Variants in COL21A1 observed in about 807,000 individuals in gnomAD.
COL21A1 encodes the protein collagen type XXI alpha 1 chain.
In COL21A1, 149 loss-of-function variants were observed where a neutral mutation model predicts 137.9. The ratio of observed to expected loss-of-function variants is 1.08; its 90% CI spans 0.95 to 1.24. The LOEUF (loss-of-function observed/expected upper bound fraction) is 1.24. Among genes scored for constraint, COL21A1 ranks in the 50% most tolerant of loss-of-function variants. The pLI, the probability that COL21A1 is intolerant of heterozygous loss-of-function variation, is 0.00. For missense variants in COL21A1, 1,167 were observed against 1,158.4 expected (o/e 1.01, Z -0.11); for synonymous variants, 456 against 391.5 (o/e 1.16, Z -1.95).
chr6:56,230,076 C>A (rs7776118), intron 1 of COL21A1, among the ~76,000 whole-genome samples: 1 of 151,682 alleles, frequency 6.6e-6, no homozygotes, highest in African/African-American at 2.4e-5. Context: ...ATTTGGTATA[C>A]ATATTTCGAA....
chr6:56,287,837 G>A (rs550358292), intron 1 of COL21A1, among the ~76,000 whole-genome samples: 42 of 152,166 alleles, frequency 2.8e-4, no homozygotes, highest in Non-Finnish European at 6.0e-4. Flanking sequence ...AAGAGGGAGA[G>A]AGCAGAGGAG....
At chr6:56,282,099 G>T (rs1200532536) in intron 1 of COL21A1, among the ~76,000 whole-genome samples, 1 of 152,072 alleles carries the variant, frequency 6.6e-6, no homozygotes, top group Admixed American at 6.6e-5. Flanking sequence ...TCAAATTTCA[G>T]GTATGTCAAA....
At chr6:56,076,020 G>A (rs1056927028) in intron 18 of COL21A1, among the ~76,000 whole-genome samples, 14 of 151,588 alleles carry the variant, frequency 9.2e-5, no homozygotes, top group Non-Finnish European at 1.6e-4. Flanking sequence ...CAAGAAGTAG[G>A]AGAGGTATTC....
At chr6:56,156,409 C>T (rs11753882) in intron 10 of COL21A1, among the ~76,000 whole-genome samples, 1 of 152,170 alleles carries the variant, frequency 6.6e-6, no homozygotes, top group African/African-American at 2.4e-5. Flanking sequence ...TCCTTCTCTG[C>T]TCCTCTGAAA....
chr6:56,157,606 A>G (rs1775857875), intron 9 of COL21A1, among the ~76,000 whole-genome samples: 1 of 152,098 alleles, frequency 6.6e-6, no homozygotes, highest in Non-Finnish European at 1.5e-5. Flanking sequence ...CAGCCTATAG[A>G]CTTAATTATA....
At chr6:56,247,679 T>A (rs1782731036), upstream of COL21A1, 2 of 152,224 alleles carry the variant, frequency 1.3e-5, no homozygotes, top group Admixed American at 1.3e-4. Flanking sequence ...ATCTGGATCT[T>A]GAAGGGCGAA....
intron 1 of COL21A1, among the ~76,000 whole-genome samples, chr6:56,323,656 G>A (rs1764929903): frequency 6.6e-6 from 1 of 152,082 alleles, no homozygotes; most frequent in African/African-American, 2.4e-5. Context: ...CCAAAGTGCT[G>A]GGATTACAGT....
At chr6:56,330,351 T>C (rs1407946904) in intron 1 of COL21A1, among the ~76,000 whole-genome samples, 1 of 152,086 alleles carries the variant, frequency 6.6e-6, no homozygotes, top group Non-Finnish European at 1.5e-5. Context: ...TAAAAACGCA[T>C]TGGCTAGTAT....
At chr6:56,295,060 T>G (rs890551061) in intron 1 of COL21A1, among the ~76,000 whole-genome samples, 1 of 152,110 alleles carries the variant, frequency 6.6e-6, no homozygotes, top group Admixed American at 6.5e-5. Flanking sequence ...TCTACAGTTT[T>G]GCATTTTGCA....
chr6:56,382,269 A>G (rs1451610382), intron 1 of COL21A1, among the ~76,000 whole-genome samples: 1 of 152,194 alleles, frequency 6.6e-6, no homozygotes, highest in African/African-American at 2.4e-5. Context: ...TGGTTATTAG[A>G]AAACATTTGT....
intron 9 of COL21A1, among the ~76,000 whole-genome samples, chr6:56,159,943 A>G (rs1776069695): frequency 6.6e-6 from 1 of 152,138 alleles, no homozygotes; most frequent in Admixed American, 6.5e-5. Context: ...AAAATTACCC[A>G]CAAGATAAAT....
chr6:56,159,668 G>T (rs1273534931), intron 9 of COL21A1, among the ~76,000 whole-genome samples: 2 of 148,540 alleles, frequency 1.3e-5, no homozygotes, highest in Non-Finnish European at 3.0e-5. Flanking sequence ...ACAATGCTGG[G>T]TATCAAGTAG....
chr6:56,250,040 A>G (rs1782818972), upstream of COL21A1, among the ~76,000 whole-genome samples: 2 of 152,234 alleles, frequency 1.3e-5, no homozygotes, highest in Non-Finnish European at 2.9e-5. Context: ...TCTCTAGAGA[A>G]CTATTCTTGT....
intron 1 of COL21A1, among the ~76,000 whole-genome samples, chr6:56,285,749 C>G (rs372689007): frequency 6.6e-6 from 1 of 152,080 alleles, no homozygotes; most frequent in Admixed American, 6.6e-5. Flanking sequence ...TCTTCCCACT[C>G]ATTAAAACCT....
intron 1 of COL21A1, among the ~76,000 whole-genome samples, chr6:56,390,115 C>T (rs759524103): frequency 1.2e-4 from 18 of 151,196 alleles, no homozygotes; most frequent in Non-Finnish European, 2.5e-4. Context: ...AGAATAACCA[C>T]AACAACTTTT....
chr6:56,069,186 T>A (rs113333599), intron 21 of COL21A1, 69 bp from the exon 22 acceptor site: 17 of 900,668 alleles, frequency 1.9e-5, no homozygotes, highest in African/African-American at 1.8e-4. Flanking sequence ...TGTTTTTATC[T>A]CTACATATCT....
intron 1 of COL21A1, among the ~76,000 whole-genome samples, chr6:56,348,491 A>T (rs1042106385): frequency 2.0e-5 from 3 of 152,128 alleles, no homozygotes; most frequent in African/African-American, 7.2e-5. Context: ...CATCAACTGA[A>T]ATTTTTCCAG....
At chr6:56,237,074 C>T (rs531781740) in intron 1 of COL21A1, among the ~76,000 whole-genome samples, 11 of 151,818 alleles carry the variant, frequency 7.2e-5, no homozygotes, top group South Asian at 2.1e-4. Flanking sequence ...CCTGTTTTTA[C>T]GTGAGAACCT....
chr6:56,072,034 G>T lies in COL21A1; in HGVS notation c.1966-1236C>A, dbSNP rs1582245079. Among the ~76,000 whole-genome samples the T allele has an allele frequency of 2.0e-5, 3 of 151,508 alleles. No homozygotes were observed. In the South Asian group the frequency reaches 6.2e-4, roughly 31 times the overall value. On this transcript the variant is annotated intron_variant, in intron 20 of 29. Coordinates refer to ENST00000244728, the MANE Select transcript of COL21A1 (RefSeq NM_030820.4). ...TCCTCTCCCTGTGTCCATGTGTTCT[G>T]ATTGTTCAGCTCCCACTTATAAGTG...
Sources: gnomAD v4.1 joint callset for allele counts (sites outside exome capture counted in the v4.1 genomes callset) on GRCh38, gnomAD v4.1.1 for gene constraint, MANE v1.5 for transcripts, NCBI Gene and HGNC (gene_info 2026-07-23, HGNC 2026-07-21) for gene names.